TMEM63B: variants seen among roughly 807,000 people sequenced by gnomAD.
TMEM63B encodes the protein transmembrane protein 63B, also known as mechanosensitive cation channel TMEM63B.
In TMEM63B, 23 loss-of-function variants were observed where a neutral mutation model predicts 102.6. The ratio of observed to expected loss-of-function variants is 0.22; its 90% CI spans 0.16 to 0.32. The LOEUF is 0.32. TMEM63B is among the 10% of genes least tolerant of loss of function. The pLI is 1.00. For synonymous variants in TMEM63B, 444 were observed against 437.0 expected, an observed-to-expected ratio of 1.02 and a Z score of -0.20; for missense variants, 628 against 1,095.9, an observed-to-expected ratio of 0.57 and a Z score of 6.03.
At chr6:44,154,486 C>T in intron 23 of TMEM63B, 41 bp downstream of exon 23, 1 of 1,608,818 alleles carries the variant, frequency 6.2e-7, no homozygotes, top group Non-Finnish European at 8.5e-7. Context: ...CTGACAGACT[C>T]AGCCTCAAAG....
intron 18 of TMEM63B, among the ~76,000 whole-genome samples, chr6:44,151,544 G>A (rs1051677051): frequency 6.6e-6 from 1 of 152,128 alleles, no homozygotes; most frequent in African/African-American, 2.4e-5. Flanking sequence ...TTCTTTGAGG[G>A]TCTCATTGGG....
chr6:44,152,755 C>G lies in TMEM63B; in HGVS notation c.1942+57C>G, dbSNP rs1767018769. 6.9e-7 allele frequency: 1 copy of G among 1,439,484 alleles called. No homozygotes were observed. The highest frequency in any genetic ancestry group is 1.4e-5 in the African/African-American group (1 of 71,512). 89.2% of individuals were successfully genotyped at this position (1,439,484 alleles called of 1,614,324 possible). ...GCTCGGGGGGACCCAGGACTTCACC[C>G]TCTCCACTCTAGGAATGCAGGCCAC... is the stretch of plus-strand genomic sequence containing the variant. On this transcript the variant is annotated intron_variant, in intron 20 of 23. Coordinates refer to ENST00000323267, the MANE Select transcript of TMEM63B (RefSeq NM_018426.3). The surrounding 1 kb of genome is among the most constrained non-coding windows in gnomAD (Gnocchi z 6.4).
Position 44,154,793 on chromosome 6 carries a change from TGAG to T in TMEM63B, c.2413_2415del (p.Glu805del), listed in dbSNP as rs1356603880. The T allele has an allele frequency of 6.2e-7, 1 of 1,610,398 alleles. No homozygotes were observed. The highest frequency in any genetic ancestry group is 2.2e-5 in the East Asian group (1 of 44,840). Reference sequence around the variant, plus strand: ...AGCCCCCATCATCCTCATCCCAAGATGAGGAGTTGCTGATGCCACCCGACGCCC... The same window carrying T: ...AGCCCCCATCATCCTCATCCCAAGATGAGTTGCTGATGCCACCCGACGCCC... On this transcript the variant is annotated inframe_deletion, in exon 24 of 24. Coordinates refer to ENST00000323267, the MANE Select transcript of TMEM63B (RefSeq NM_018426.3).
rs1378551709 is a variant in TMEM63B, at chr6:44,131,192, A to AGGCC, written c.-24-3369_-24-3368insGGCC. Among the ~76,000 whole-genome samples, 54 of 152,118 alleles carry AGGCC rather than the reference A, an allele frequency of 3.5e-4. 1 individual carries two copies. Among genetic ancestry groups the AGGCC allele is most frequent in the African/African-American group, 1.3e-3 (52 of 41,492 alleles). Reference sequence around the variant, plus strand: ...CTCGGCCTCCCAAAATGCTGGGATTACAGGTGTGAGCCACCGTGCCTGGCA... The same window carrying AGGCC: ...CTCGGCCTCCCAAAATGCTGGGATTAGGCCCAGGTGTGAGCCACCGTGCCTGGCA... On this transcript the variant is annotated intron_variant, in intron 1 of 23. Coordinates refer to ENST00000323267, the MANE Select transcript of TMEM63B (RefSeq NM_018426.3).
intron 6 of TMEM63B, 162 bp downstream of exon 6, chr6:44,138,679 T>C: frequency 1.5e-6 from 1 of 683,198 alleles, no homozygotes; most frequent in Non-Finnish European, 2.5e-6. Flanking sequence ...TGCCTGAGCC[T>C]CTGCTGTACC....
In TMEM63B at chr6:44,154,170, C is replaced by T; in HGVS notation, c.2208C>T (p.Leu736=). 1 of 1,614,060 alleles carries T rather than the reference C, an allele frequency of 6.2e-7. No individual in the cohort carries two copies. The highest frequency in any genetic ancestry group is 8.5e-7 in the Non-Finnish European group (1 of 1,179,946). ...TCTGCTTTGGACACTTCAAATACCT[C>T]AGTGCCCACAACTACAAGGTGTGGG... ...CHVCFGHFKY[L]SAHNYKIEHT... is the part of the protein sequence containing the mutation. Residue 736 remains leucine (L), a synonymous_variant, in exon 22 of 24, where the codon CTC becomes CTT. Transcript: ENST00000323267.
Position 44,134,608 on chromosome 6 carries a change from AC to A in TMEM63B, c.25del (p.Leu9TrpfsTer67). 1 of 1,614,098 alleles carries A rather than the reference AC, an allele frequency of 6.2e-7. No homozygotes were observed. The highest frequency in any genetic ancestry group is 8.5e-7 in the Non-Finnish European group (1 of 1,180,006). On this transcript the variant is annotated frameshift_variant, in exon 2 of 24. Coordinates refer to ENST00000323267, the MANE Select transcript of TMEM63B (RefSeq NM_018426.3). LOFTEE classifies it high-confidence loss of function. Reference sequence around the variant, plus strand: ...CCATGCTGCCCTTTCTGCTGGCCACACTGGGCACCACAGCCCTCAACAACAG... The same window carrying A: ...CCATGCTGCCCTTTCTGCTGGCCACATGGGCACCACAGCCCTCAACAACAG... MLPFLLAT[L>X]GTTALNNSNP...
intron 15 of TMEM63B, 57 bp downstream of exon 15, chr6:44,149,002 G>C (rs773880579): frequency 6.2e-7 from 1 of 1,612,518 alleles, no homozygotes; most frequent in East Asian, 2.2e-5. Flanking sequence ...CAGATACCAG[G>C]CCCTGATCCC....
chr6:44,148,240 C>G lies in TMEM63B; in HGVS notation c.988-12C>G. On this transcript the variant is annotated splice_polypyrimidine_tract_variant and intron_variant, in intron 12 of 23. Coordinates refer to ENST00000323267, the MANE Select transcript of TMEM63B (RefSeq NM_018426.3). The surrounding 1 kb of genome is among the most constrained non-coding windows in gnomAD (Gnocchi z 5.1). ...TCCAACTAGAGGCCCTGTCCCTAAC[C>G]CTCCCACAAAGGTGGAGGCCATTGA... 2 of 1,614,114 alleles carry G rather than the reference C, an allele frequency of 1.2e-6. No homozygotes were observed. Among genetic ancestry groups the G allele is most frequent in the Non-Finnish European group, 1.7e-6 (2 of 1,179,960 alleles).
At chr6:44,144,660 G>T (rs1366303177) in intron 10 of TMEM63B, among the ~76,000 whole-genome samples, 1 of 151,832 alleles carries the variant, frequency 6.6e-6, no homozygotes, top group Non-Finnish European at 1.5e-5. Context: ...ACAGGGGCGT[G>T]GTCATAGCTC....
In TMEM63B at chr6:44,154,543, C is replaced by T. The variant is rs866763777; in HGVS notation, c.2307+98C>T. On this transcript the variant is annotated intron_variant, in intron 23 of 23. Coordinates refer to ENST00000323267, the MANE Select transcript of TMEM63B (RefSeq NM_018426.3). ...CAGAAAGGGGAACCTGTGCCAGACC[C>T]CATGGGGGCGGGAAGAGAGCTGGTC... is the stretch of plus-strand genomic sequence containing the variant. 4 of 1,535,090 alleles carry T rather than the reference C, an allele frequency of 2.6e-6. No homozygotes were observed. The Middle Eastern group carries it at 7.6e-4, about 292-fold the overall frequency.
chr6:44,138,533 T>G lies in TMEM63B; in HGVS notation c.407+16T>G, dbSNP rs1300037537. 4.3e-6 allele frequency: 7 copies of G among 1,613,962 alleles called. No individual in the cohort carries two copies. The Admixed American group carries it at 8.3e-5, about 19-fold the overall frequency. ...TCAGGATAAAGTAAGTGGACCATCT[T>G]CAAGCTCTAAAGAAAGAGAGAAACT... On this transcript the variant is annotated intron_variant, in intron 6 of 23. Coordinates refer to ENST00000323267, the MANE Select transcript of TMEM63B (RefSeq NM_018426.3).
chr6:44,144,341 C>A (rs1435803385), intron 10 of TMEM63B, among the ~76,000 whole-genome samples: 1 of 152,012 alleles, frequency 6.6e-6, no homozygotes, highest in Non-Finnish European at 1.5e-5. Context: ...AATCAACGGG[C>A]CTGTGTGGTT....
intron 1 of TMEM63B, among the ~76,000 whole-genome samples, chr6:44,129,365 C>CAAAA (rs11331641): frequency 1.9e-5 from 2 of 103,152 alleles, no homozygotes; most frequent in Non-Finnish European, 4.1e-5. Context: ...AAGACTGTCT[C>CAAAA]AAAAAAAAAA....
In TMEM63B at chr6:44,148,167, A is replaced by G; in HGVS notation, c.988-85A>G. The G allele has an allele frequency of 1.3e-6, 2 of 1,559,266 alleles. No individual in the cohort carries two copies. Among genetic ancestry groups the G allele is most frequent in the Non-Finnish European group, 1.7e-6 (2 of 1,155,378 alleles). On this transcript the variant is annotated intron_variant, in intron 12 of 23. Coordinates refer to ENST00000323267, the MANE Select transcript of TMEM63B (RefSeq NM_018426.3). This position sits in a 1 kb window ranked among gnomAD's most constrained non-coding sequence, Gnocchi z 5.1. ...AGAGGAGCAGTGCCTGGCTTGTAGGAAGCCCCAAGTCAGCGTGGGCTGGAT... is the reference window on the plus strand; with the variant it reads ...AGAGGAGCAGTGCCTGGCTTGTAGGGAGCCCCAAGTCAGCGTGGGCTGGAT...
chr6:44,147,261 CAT>C (rs1422401902), intron 11 of TMEM63B, 114 bp from the exon 12 acceptor site: 2 of 1,534,720 alleles, frequency 1.3e-6, no homozygotes, highest in East Asian at 2.3e-5. Context: ...ACATCTGAAA[CAT>C]GTATCCTAAA....
chr6:44,144,390 A>G (rs537473314), intron 10 of TMEM63B, among the ~76,000 whole-genome samples: 39 of 152,192 alleles, frequency 2.6e-4, no homozygotes, highest in African/African-American at 9.2e-4. Context: ...TGAGAATGAG[A>G]GCTCACCCTT....
intron 5 of TMEM63B, among the ~76,000 whole-genome samples, chr6:44,137,683 G>A (rs1763249414): frequency 6.7e-6 from 1 of 149,624 alleles, no homozygotes; most frequent in African/African-American, 2.5e-5. Flanking sequence ...GAGGGTGGAG[G>A]GGAGAGATTT....
chr6:44,152,449 A>G lies in TMEM63B; in HGVS notation c.1837-144A>G. 4 of 659,124 alleles carry G rather than the reference A, an allele frequency of 6.1e-6. No individual in the cohort carries two copies. The East Asian group carries it at 1.1e-4, about 18-fold the overall frequency. The allele number at this position is 659,124 out of a possible 1,614,324, so 40.8% of individuals were successfully genotyped here. ...CCCCTCTCTCCATCTGCTCTGCCCT[A>G]CCCTACCCTAGACATTAGGTCCTGT... On this transcript the variant is annotated intron_variant, in intron 19 of 23. Transcript: ENST00000323267. This position sits in a 1 kb window ranked among gnomAD's most constrained non-coding sequence, Gnocchi z 6.4.
Sources: gnomAD v4.1 joint callset for allele counts (sites outside exome capture counted in the v4.1 genomes callset) on GRCh38, gnomAD v4.1.1 for gene constraint, Gnocchi (gnomAD v3.1) non-coding constraint, MANE v1.5 for transcripts, NCBI Gene and HGNC (gene_info 2026-07-23, HGNC 2026-07-21) for gene names.